KLHL1: variants seen among roughly 807,000 people sequenced by gnomAD.
KLHL1 encodes kelch like family member 1, also known as kelch-like protein 1.
A neutral mutation model predicts 77.7 loss-of-function variants in KLHL1; 47 were observed. The observed-to-expected ratio is 0.60, with a 90% CI of 0.48 to 0.77. The LOEUF is 0.77. Among genes scored for constraint, KLHL1 ranks in the 30% least tolerant of loss-of-function variants. The pLI is 0.00. For synonymous variants in KLHL1, 360 were observed against 325.2 expected (o/e 1.11, Z -1.15); for missense variants, 925 against 910.8 (o/e 1.02, Z -0.20).
At chr13:70,016,053 A>G (rs1885649288) in intron 1 of KLHL1, among the ~76,000 whole-genome samples, 1 of 152,224 alleles carries the variant, frequency 6.6e-6, no homozygotes, top group Non-Finnish European at 1.5e-5. Context: ...GAAAATATCA[A>G]TTTCAGAACT....
intron 6 of KLHL1, among the ~76,000 whole-genome samples, chr13:69,829,655 G>A: frequency 6.7e-6 from 1 of 150,006 alleles, no homozygotes; most frequent in Admixed American, 6.7e-5. Context: ...CAAGGCGCCA[G>A]AGAAAGGTGA....
intron 7 of KLHL1, among the ~76,000 whole-genome samples, chr13:69,772,028 T>C (rs1214026273): frequency 6.6e-6 from 1 of 152,126 alleles, no homozygotes; most frequent in African/African-American, 2.4e-5. Context: ...CTTGGCTCAC[T>C]GCAACCTCTG....
chr13:70,089,557 T>G (rs1053793457), intron 1 of KLHL1, among the ~76,000 whole-genome samples: 1 of 152,022 alleles, frequency 6.6e-6, no homozygotes, highest in African/African-American at 2.4e-5. Context: ...TTAATATCTA[T>G]TTTCTTTATT....
intron 7 of KLHL1, among the ~76,000 whole-genome samples, chr13:69,764,201 C>A (rs541216716): frequency 3.0e-4 from 46 of 152,280 alleles, no homozygotes; most frequent in Middle Eastern, 6.8e-3. Context: ...CACAGAATTT[C>A]AGCCAATCAC....
chr13:69,832,105 C>T (rs541044891), intron 6 of KLHL1, among the ~76,000 whole-genome samples: 3 of 149,808 alleles, frequency 2.0e-5, no homozygotes, highest in South Asian at 2.1e-4. Context: ...CCAGAACAAT[C>T]GGACAAAAGA....
chr13:69,770,474 T>C (rs1045838706), intron 7 of KLHL1, among the ~76,000 whole-genome samples: 1 of 152,222 alleles, frequency 6.6e-6, no homozygotes, highest in Non-Finnish European at 1.5e-5. Context: ...TAAACAATGT[T>C]TTAAGACATT....
chr13:69,755,632 A>G (rs1465439313), intron 7 of KLHL1, among the ~76,000 whole-genome samples: 1 of 151,838 alleles, frequency 6.6e-6, no homozygotes, highest in Non-Finnish European at 1.5e-5. Context: ...ATTTGAATTC[A>G]TCTCCAAAGT....
intron 1 of KLHL1, among the ~76,000 whole-genome samples, chr13:70,050,290 T>C (rs1022151009): frequency 2.0e-5 from 3 of 151,888 alleles, no homozygotes; most frequent in African/African-American, 4.8e-5. Flanking sequence ...TCTTAAGAAA[T>C]CTACCCATAA....
chr13:69,819,775 A>G (rs1301816981), intron 6 of KLHL1, among the ~76,000 whole-genome samples: 1 of 152,194 alleles, frequency 6.6e-6, no homozygotes, highest in Non-Finnish European at 1.5e-5. Flanking sequence ...TTTTGTTCAC[A>G]GCTATCATGT....
Position 69,869,266 on chromosome 13 carries a change from T to C in KLHL1, c.1227+13017A>G, listed in dbSNP as rs537287895. On this transcript the variant is annotated intron_variant, in intron 5 of 10. Transcript: ENST00000377844. ...AACTTAAAATTTATCATATGGAAAG[T>C]AAATAAAATTTCTTCCAATTTATTC... is the stretch of plus-strand genomic sequence containing the variant. 7.2e-5 allele frequency among the ~76,000 whole-genome samples: 11 copies of C among 152,246 alleles called. 1 individual carries two copies. The highest frequency in any genetic ancestry group is 2.4e-4 in the African/African-American group (10 of 41,580).
At chr13:69,869,178 GAAGTT>G (rs1880486107) in intron 5 of KLHL1, among the ~76,000 whole-genome samples, 1 of 152,096 alleles carries the variant, frequency 6.6e-6, no homozygotes, top group African/African-American at 2.4e-5. Context: ...TCTACCTGAG[GAAGTT>G]AAGTGACAGA....
intron 1 of KLHL1, among the ~76,000 whole-genome samples, chr13:70,075,272 A>C (rs1432405369): frequency 6.6e-6 from 1 of 151,920 alleles, no homozygotes; most frequent in Non-Finnish European, 1.5e-5. Flanking sequence ...GTAGAACTGC[A>C]CAAGAGCAAA....
At chr13:69,780,731 T>TATATATATATGTATATATATATATATAC in intron 7 of KLHL1, among the ~76,000 whole-genome samples, 1 of 75,322 alleles carries the variant, frequency 1.3e-5, no homozygotes, top group Admixed American at 1.5e-4. Flanking sequence ...TATATATATA[T>TATATATATATGTATATATATATATATAC]ACATATATAT....
intron 4 of KLHL1, among the ~76,000 whole-genome samples, chr13:69,933,211 G>A (rs769013795): frequency 5.3e-5 from 8 of 151,812 alleles, no homozygotes; most frequent in African/African-American, 1.9e-4. Context: ...CTAAGACCAC[G>A]AAGGCATGTG....
chr13:70,075,460 TA>T, intron 1 of KLHL1, among the ~76,000 whole-genome samples: 1 of 149,770 alleles, frequency 6.7e-6, no homozygotes, highest in East Asian at 1.9e-4. Context: ...ACCTTTTTGT[TA>T]AAACTTATTT....
chr13:70,023,920 AG>A (rs976837708), intron 1 of KLHL1, among the ~76,000 whole-genome samples: 4 of 151,954 alleles, frequency 2.6e-5, no homozygotes, highest in African/African-American at 4.8e-5. Flanking sequence ...AACTTACTAA[AG>A]GGGTGATTAC....
intron 8 of KLHL1, among the ~76,000 whole-genome samples, chr13:69,733,623 AG>A (rs1873645844): frequency 6.6e-6 from 1 of 152,230 alleles, no homozygotes; most frequent in South Asian, 2.1e-4. Context: ...TGATCACATC[AG>A]TTCTTAGAGA....
chr13:69,725,301 C>T (rs1252357749), intron 8 of KLHL1, among the ~76,000 whole-genome samples: 2 of 152,116 alleles, frequency 1.3e-5, no homozygotes, highest in Non-Finnish European at 2.9e-5. Flanking sequence ...TCTGTTAACC[C>T]TCATGTCTTG....
intron 4 of KLHL1, among the ~76,000 whole-genome samples, chr13:69,889,243 C>T (rs1243367087): frequency 6.6e-6 from 1 of 151,920 alleles, no homozygotes; most frequent in Non-Finnish European, 1.5e-5. Context: ...TGATTATTTG[C>T]CTTGCCTGAA....
Sources: allele counts gnomAD v4.1 joint callset (sites outside exome capture counted in the v4.1 genomes callset), GRCh38; gene constraint gnomAD v4.1.1; transcripts MANE v1.5; gene names NCBI Gene and HGNC (gene_info 2026-07-23, HGNC 2026-07-21).